Variants in HTR1E observed in about 807,000 individuals in gnomAD.
The protein encoded by HTR1E is 5-hydroxytryptamine receptor 1E, also known as 5-HT-1E.
A neutral mutation model predicts 3.4 loss-of-function variants in HTR1E; 3 were observed. The observed-to-expected ratio is 0.89, with a 90% CI of 0.41 to 2.31. The LOEUF is 2.31. Among genes scored for constraint, HTR1E ranks in the 30% most tolerant of loss-of-function variants. HTR1E has a pLI of 0.05. For missense variants in HTR1E, 392 were observed against 467.0 expected (o/e 0.84, Z 1.48); for synonymous variants, 170 against 182.8 (o/e 0.93, Z 0.56).
chr6:86,964,447 C>T (rs987110113), intron 1 of HTR1E, among the ~76,000 whole-genome samples: 1 of 152,178 alleles, frequency 6.6e-6, no homozygotes, highest in Non-Finnish European at 1.5e-5. Context: ...GCAAGATGCT[C>T]TCAGTGTGAG....
At chr6:86,986,235 C>T (rs999308266) in intron 1 of HTR1E, among the ~76,000 whole-genome samples, 1 of 152,138 alleles carries the variant, frequency 6.6e-6, no homozygotes. Context: ...CTGTTATTTA[C>T]TATATATGCT....
At chr6:86,971,181 G>A (rs1767549649) in intron 1 of HTR1E, 11 of 457,980 alleles carry the variant, frequency 2.4e-5, no homozygotes, top group East Asian at 6.0e-5. Flanking sequence ...GCCTATTATG[G>A]GAATGAACTA....
chr6:86,958,157 G>C (rs1767352187), intron 1 of HTR1E, among the ~76,000 whole-genome samples: 1 of 149,288 alleles, frequency 6.7e-6, no homozygotes, highest in African/African-American at 2.5e-5. Context: ...CTCCTGGGTT[G>C]ACACCATTCT....
At chr6:86,985,188 A>T (rs1304536777) in intron 1 of HTR1E, among the ~76,000 whole-genome samples, 1 of 152,184 alleles carries the variant, frequency 6.6e-6, no homozygotes, top group Non-Finnish European at 1.5e-5. Context: ...CCCATATAGG[A>T]GACAGGCCTG....
intron 1 of HTR1E, among the ~76,000 whole-genome samples, chr6:86,952,157 C>T (rs930722462): frequency 5.3e-5 from 8 of 152,068 alleles, no homozygotes; most frequent in African/African-American, 1.9e-4. Context: ...TTTCTCTTCC[C>T]TTTTTTCTCT....
At chr6:86,973,382 G>A (rs975846938) in intron 1 of HTR1E, among the ~76,000 whole-genome samples, 1 of 151,898 alleles carries the variant, frequency 6.6e-6, no homozygotes, top group Non-Finnish European at 1.5e-5. Context: ...GTAAGTCTGA[G>A]GCTGACAGGG....
chr6:87,008,212 G>A (rs538711752), intron 1 of HTR1E, among the ~76,000 whole-genome samples: 3 of 152,126 alleles, frequency 2.0e-5, no homozygotes, highest in South Asian at 2.1e-4. Flanking sequence ...AGAATCCCAC[G>A]CTGCAGTATC....
intron 1 of HTR1E, among the ~76,000 whole-genome samples, chr6:87,010,629 T>G: frequency 1.5e-5 from 2 of 129,910 alleles, no homozygotes; most frequent in South Asian, 2.8e-4. Context: ...CTAGATGGGA[T>G]GGCGGCCGGG....
chr6:86,937,938 G>A (rs1022911903), intron 1 of HTR1E, 115 bp downstream of exon 1: 3 of 152,980 alleles, frequency 2.0e-5, no homozygotes, highest in Admixed American at 2.0e-4. Flanking sequence ...CAAAGGCGGC[G>A]GGAGTTGGGA....
intron 1 of HTR1E, among the ~76,000 whole-genome samples, chr6:86,946,041 A>G (rs1397313070): frequency 2.0e-5 from 3 of 152,160 alleles, no homozygotes; most frequent in African/African-American, 7.2e-5. Context: ...ACCCGGCCTA[A>G]TTAAAAAGTT....
chr6:86,995,146 G>C (rs1767917822), intron 1 of HTR1E, among the ~76,000 whole-genome samples: 1 of 151,928 alleles, frequency 6.6e-6, no homozygotes, highest in Non-Finnish European at 1.5e-5. Context: ...TAATTACATT[G>C]AATTTTAAAA....
intron 1 of HTR1E, among the ~76,000 whole-genome samples, chr6:86,999,721 T>C (rs975206876): frequency 3.9e-5 from 6 of 152,122 alleles, no homozygotes; most frequent in Non-Finnish European, 8.8e-5. Context: ...GCTTGGGAAA[T>C]GCAATCCTAG....
chr6:86,955,339 C>T (rs554058639), intron 1 of HTR1E, among the ~76,000 whole-genome samples: 39 of 152,032 alleles, frequency 2.6e-4, no homozygotes, highest in African/African-American at 7.7e-4. Flanking sequence ...CGCCTGCATG[C>T]GGTAGCACCT....
At chr6:86,974,486 T>C (rs1250147450) in intron 1 of HTR1E, among the ~76,000 whole-genome samples, 1 of 152,082 alleles carries the variant, frequency 6.6e-6, no homozygotes, top group Non-Finnish European at 1.5e-5. Context: ...ACTAACAGAG[T>C]ACTCATCAAT....
In HTR1E at chr6:86,965,368, G is replaced by A. The variant is rs181682101; in HGVS notation, c.-186+27545G>A. Among the ~76,000 whole-genome samples, 168 of 152,280 alleles carry A rather than the reference G, an allele frequency of 1.1e-3. 1 individual carries two copies. Among genetic ancestry groups the A allele is most frequent in the African/African-American group, 3.9e-3 (164 of 41,546 alleles). On this transcript the variant is annotated intron_variant, in intron 1 of 1. Transcript: ENST00000305344. ...CAGAGGTTCTCAATGATTCTCAACT[G>A]AGAACACTAGAACTTCTTAGTACAG... is the stretch of plus-strand genomic sequence containing the variant.
intron 1 of HTR1E, among the ~76,000 whole-genome samples, chr6:86,976,048 T>C (rs1767634755): frequency 1.3e-5 from 2 of 151,960 alleles, no homozygotes; most frequent in Admixed American, 1.3e-4. Context: ...AGTACTAATA[T>C]TTTTCATGGA....
intron 1 of HTR1E, among the ~76,000 whole-genome samples, chr6:86,999,126 AT>A (rs1180835745): frequency 6.6e-6 from 1 of 151,724 alleles, no homozygotes; most frequent in Admixed American, 6.6e-5. Context: ...CGCCAGGCTA[AT>A]TTTTTTTATT....
chr6:87,008,382 C>T (rs1248907876), intron 1 of HTR1E, among the ~76,000 whole-genome samples: 1 of 152,000 alleles, frequency 6.6e-6, no homozygotes, highest in East Asian at 1.9e-4. Context: ...GGCAAGTTGA[C>T]ATTCCTGAAA....
chr6:86,946,162 A>G (rs1275341025), intron 1 of HTR1E, among the ~76,000 whole-genome samples: 1 of 152,248 alleles, frequency 6.6e-6, no homozygotes, highest in Non-Finnish European at 1.5e-5. Flanking sequence ...TAAAGTCTAC[A>G]GTAGTGTACA....
Sources: gnomAD v4.1 joint callset for allele counts (sites outside exome capture counted in the v4.1 genomes callset) on GRCh38, gnomAD v4.1.1 for gene constraint, MANE v1.5 for transcripts, NCBI Gene and HGNC (gene_info 2026-07-23, HGNC 2026-07-21) for gene names.